SPOPL: variants seen among roughly 807,000 people sequenced by gnomAD.
The protein encoded by SPOPL is speckle-type POZ protein-like.
A neutral mutation model predicts 53.8 loss-of-function variants in SPOPL; 23 were observed. The observed-to-expected ratio is 0.43, with a 90% confidence interval of 0.31 to 0.61. The LOEUF (loss-of-function observed/expected upper bound fraction) is 0.61, where lower values mean the gene tolerates loss of function less well. Among genes scored for constraint, SPOPL ranks in the 20% least tolerant of loss-of-function variants. SPOPL has a pLI of 0.12. For missense variants in SPOPL, 442 were observed against 466.9 expected (o/e 0.95, Z 0.49); for synonymous variants, 164 against 149.7 (o/e 1.10, Z -0.70).
At position 138,515,177 on chromosome 2, in the gene SPOPL, G is replaced by A. The variant is rs377031991; in HGVS notation, c.-61+13058G>A. On this transcript the variant is annotated intron_variant, in intron 1 of 10. Transcript: ENST00000280098. ...TAGTTTATTGACTTTCTGACAAATA[G>A]TGCACTTCTAACTTGATAAACATGG... Among the ~76,000 whole-genome samples the A allele has an allele frequency of 1.1e-3, 165 of 152,276 alleles. 4 individuals carry two copies. The South Asian group carries it at 0.033, about 31-fold the overall frequency.
At position 138,543,519 on chromosome 2, in the gene SPOPL, G is replaced by C. The variant is rs139886684; in HGVS notation, c.-60-6638G>C. 2.1e-3 allele frequency among the ~76,000 whole-genome samples: 321 copies of C among 152,068 alleles called. 2 individuals are homozygous for C. Among genetic ancestry groups the C allele is most frequent in the African/African-American group, 7.5e-3 (309 of 41,468 alleles). ...ATCACTGATACCCTTTCTTTCAGTT[G>C]GTCGCATTGGCTACTGAGGCTTGTG... is the stretch of plus-strand genomic sequence containing the variant. On this transcript the variant is annotated intron_variant, in intron 1 of 10. Coordinates refer to ENST00000280098, the MANE Select transcript of SPOPL (RefSeq NM_001001664.3).
intron 1 of SPOPL, among the ~76,000 whole-genome samples, chr2:138,527,726 C>T (rs1437986124): frequency 6.6e-6 from 1 of 152,136 alleles, no homozygotes; most frequent in East Asian, 1.9e-4. Flanking sequence ...TGTCTGTTAT[C>T]CTTGGCTTTC....
At chr2:138,521,840 T>G (rs1046681185) in intron 1 of SPOPL, among the ~76,000 whole-genome samples, 1 of 152,154 alleles carries the variant, frequency 6.6e-6, no homozygotes, top group African/African-American at 2.4e-5. Context: ...AAAAAGAAGT[T>G]GAAAGTAAGC....
At chr2:138,508,523 G>A (rs1053083761) in intron 1 of SPOPL, among the ~76,000 whole-genome samples, 1 of 151,986 alleles carries the variant, frequency 6.6e-6, no homozygotes, top group Admixed American at 6.6e-5. Context: ...TAGAGATGGG[G>A]TTTCACCATG....
At chr2:138,560,569 C>T (rs761052389) in intron 7 of SPOPL, among the ~76,000 whole-genome samples, 16 of 151,838 alleles carry the variant, frequency 1.1e-4, no homozygotes, top group Admixed American at 3.3e-4. Context: ...CCCACCTCTC[C>T]GATAGTGTAT....
At chr2:138,561,686 T>A (rs775686978) in intron 8 of SPOPL, among the ~76,000 whole-genome samples, 33 of 152,090 alleles carry the variant, frequency 2.2e-4, no homozygotes, top group Non-Finnish European at 4.1e-4. Context: ...AAAACACCAT[T>A]TACAATAGCA....
rs375395432 is a variant in SPOPL, at chr2:138,550,278, G to C, written c.62G>C (p.Ser21Thr). 44 of 1,613,476 alleles carry C rather than the reference G, an allele frequency of 2.7e-5. No homozygotes were observed. In the African/African-American group the frequency reaches 4.7e-4, roughly 17 times the overall value. Reference sequence around the variant, plus strand: ...ATGTCTACTGGTCCCATAGCAGAAAGCTGGTGTTACACACAGGTACATGCT... The same window carrying C: ...ATGTCTACTGGTCCCATAGCAGAAACCTGGTGTTACACACAGGTACATGCT... ...GDMSTGPIAESWCYTQVKVVK... is the reference protein window; with the variant it reads ...GDMSTGPIAETWCYTQVKVVK... Residue 21 changes from serine (S) to threonine (T), a missense_variant, in exon 2 of 11, where the codon AGC becomes ACC. Ser to Thr is a moderately conservative substitution (Grantham distance 58). Coordinates refer to ENST00000280098, the MANE Select transcript of SPOPL (RefSeq NM_001001664.3).
Position 138,571,841 on chromosome 2 carries a change from T to C in SPOPL, c.*2761T>C, listed in dbSNP as rs1418216652. 1.3e-5 allele frequency: 2 copies of C among 152,670 alleles called. No individual in the cohort carries two copies. The highest frequency in any genetic ancestry group is 1.3e-4 in the Admixed American group (2 of 15,278). 9.5% of individuals were successfully genotyped at this position (152,670 alleles called of 1,614,324 possible). On this transcript the variant is annotated 3_prime_UTR_variant, in exon 11 of 11. Coordinates refer to ENST00000280098, the MANE Select transcript of SPOPL (RefSeq NM_001001664.3). ...TTTAGACCAACACTTAGAAATACTA[T>C]ATTTGTGCCTTTTCATTTTTAATTT...
At position 138,540,786 on chromosome 2, in the gene SPOPL, A is replaced by G. The variant is rs1181025454; in HGVS notation, c.-60-9371A>G. ...CAGAACTTCCAACACTATGTTGAAT[A>G]GGAGTGGTGAGGGAGGCCATCCCTG... is the stretch of plus-strand genomic sequence containing the variant. On this transcript the variant is annotated intron_variant, in intron 1 of 10. Coordinates refer to ENST00000280098, the MANE Select transcript of SPOPL (RefSeq NM_001001664.3). Among the ~76,000 whole-genome samples, 5 of 152,306 alleles carry G rather than the reference A, an allele frequency of 3.3e-5. No individual in the cohort carries two copies. In the East Asian group the frequency reaches 9.7e-4, roughly 29 times the overall value.
chr2:138,530,187 G>A (rs1257601644), intron 1 of SPOPL, among the ~76,000 whole-genome samples: 2 of 152,298 alleles, frequency 1.3e-5, no homozygotes, highest in East Asian at 1.9e-4. Context: ...ATTCTGTGGT[G>A]TATGACATTT....
chr2:138,537,683 G>C (rs1684967354), intron 1 of SPOPL, among the ~76,000 whole-genome samples: 1 of 152,166 alleles, frequency 6.6e-6, no homozygotes, highest in Non-Finnish European at 1.5e-5. Context: ...TGTTGGAAGA[G>C]GGAACACAGT....
intron 1 of SPOPL, among the ~76,000 whole-genome samples, chr2:138,521,940 TTG>T (rs1191939037): frequency 1.3e-5 from 2 of 152,186 alleles, no homozygotes; most frequent in African/African-American, 4.8e-5. Flanking sequence ...GATGAGTTTT[TTG>T]TGTGTGTTAG....
intron 5 of SPOPL, among the ~76,000 whole-genome samples, chr2:138,553,328 A>G (rs1039106736): frequency 6.6e-6 from 1 of 152,110 alleles, no homozygotes; most frequent in African/African-American, 2.4e-5. Flanking sequence ...TCATGTTATC[A>G]TTAGGTAGTT....
Position 138,569,157 on chromosome 2 carries a change from TAAGC to T in SPOPL, c.*81_*84del. 1.4e-6 allele frequency: 2 copies of T among 1,467,880 alleles called. No individual in the cohort carries two copies. Among genetic ancestry groups the T allele is most frequent in the Non-Finnish European group, 1.9e-6 (2 of 1,076,682 alleles). The allele number at this position is 1,467,880 out of a possible 1,614,324, so 90.9% of individuals were successfully genotyped here. A position where few individuals can be genotyped will look rare whatever the true frequency, so the allele number is the denominator to read the frequency against. ...CAGAAGGATTCTAATACACAAACCATAAGCAAGAGTTGTTTCTGTTATTTTGTCC... is the reference window on the plus strand; with the variant it reads ...CAGAAGGATTCTAATACACAAACCATAAGAGTTGTTTCTGTTATTTTGTCC... On this transcript the variant is annotated 3_prime_UTR_variant, in exon 11 of 11. Transcript: ENST00000280098.
intron 1 of SPOPL, among the ~76,000 whole-genome samples, chr2:138,540,126 C>T (rs1160263785): frequency 6.6e-6 from 1 of 152,158 alleles, no homozygotes; most frequent in Non-Finnish European, 1.5e-5. Flanking sequence ...GTTACCAGTA[C>T]CATGCTGTTT....
At chr2:138,528,479 G>C (rs1381717543) in intron 1 of SPOPL, among the ~76,000 whole-genome samples, 5 of 152,012 alleles carry the variant, frequency 3.3e-5, no homozygotes, top group African/African-American at 4.8e-5. Flanking sequence ...TTCTAACGTT[G>C]TTATTGGTTT....
intron 1 of SPOPL, among the ~76,000 whole-genome samples, chr2:138,513,273 G>T (rs1307400273): frequency 6.6e-6 from 1 of 152,158 alleles, no homozygotes; most frequent in Non-Finnish European, 1.5e-5. Context: ...TAAAAATTAG[G>T]CCGGGCATAG....
chr2:138,557,169 A>G (rs1278114058), intron 5 of SPOPL, among the ~76,000 whole-genome samples: 1 of 152,168 alleles, frequency 6.6e-6, no homozygotes, highest in Non-Finnish European at 1.5e-5. Context: ...AGAAAAAAAA[A>G]AAGAATCTGG....
intron 10 of SPOPL, among the ~76,000 whole-genome samples, chr2:138,568,690 TG>T (rs1685716540): frequency 6.6e-6 from 1 of 152,100 alleles, no homozygotes; most frequent in African/African-American, 2.4e-5. Flanking sequence ...CAATGAGAGT[TG>T]AACTATGAAG....
Sources: gnomAD v4.1 joint callset for allele counts (sites outside exome capture counted in the v4.1 genomes callset) on GRCh38, gnomAD v4.1.1 for gene constraint, MANE v1.5 for transcripts, NCBI Gene and HGNC (gene_info 2026-07-23, HGNC 2026-07-21) for gene names.